The following VPS13C variants were observed in gnomAD, a reference collection of about 807,000 sequenced individuals.
VPS13C encodes intermembrane lipid transfer protein VPS13C.
Under a neutral mutation model 456.8 loss-of-function variants are expected in VPS13C, and 358 were observed. The ratio of observed to expected loss-of-function variants is 0.78; its 90% CI spans 0.72 to 0.86. The LOEUF (loss-of-function observed/expected upper bound fraction) is 0.86. Among genes scored for constraint, VPS13C ranks in the 40% least tolerant of loss-of-function variants. The pLI, the probability that VPS13C is intolerant of heterozygous loss-of-function variation, is 0.00. For synonymous variants in VPS13C, 1,578 were observed against 1,486.7 expected, an observed-to-expected ratio of 1.06 and a Z score of -1.41; for missense variants, 4,818 against 4,385.4, an observed-to-expected ratio of 1.10 and a Z score of -2.79.
intron 20 of VPS13C, 199 bp downstream of exon 20, chr15:61,983,621 A>G: frequency 1.9e-6 from 1 of 527,534 alleles, no homozygotes; most frequent in Non-Finnish European, 3.2e-6. Flanking sequence ...TAAACCTTGG[A>G]GTAGGGAAAA....
Position 61,967,348 on chromosome 15 carries a change from A to T in VPS13C, c.2991+20T>A, listed in dbSNP as rs780687720. The T allele has an allele frequency of 2.5e-6, 4 of 1,578,936 alleles. No homozygotes were observed. The highest frequency in any genetic ancestry group is 3.5e-5 in the Admixed American group (2 of 57,720). ...AGTTTGGAGTAAACAATAAATATAT[A>T]ATCATTCTATAGCCCTTACCTTAAT... On this transcript the variant is annotated intron_variant, in intron 29 of 84. Transcript: ENST00000644861.
At position 61,853,756 on chromosome 15, in the gene VPS13C, C is replaced by T. The variant is rs11555596; in HGVS notation, c.*701G>A. 0.065 allele frequency: 9,881 copies of T among 152,108 alleles called. 358 individuals carry two copies. Among genetic ancestry groups the T allele is most frequent in the Non-Finnish European group, 0.08 (5,427 of 68,014 alleles). 9.4% of individuals were successfully genotyped at this position (152,108 alleles called of 1,614,324 possible). ...TTGTTCATGGGTTAAAGCCTTTTGG[C>T]GGGCCGTGGTGGCTCATGCCTGTAA... On this transcript the variant is annotated 3_prime_UTR_variant, in exon 85 of 85. Coordinates refer to ENST00000644861, the MANE Select transcript of VPS13C (RefSeq NM_020821.3).
intron 81 of VPS13C, chr15:61,865,792 A>G (rs957068099): frequency 9.1e-5 from 70 of 770,018 alleles, no homozygotes; most frequent in Non-Finnish European, 1.1e-4. Context: ...GTGTATATAT[A>G]TGTGTGTGTG....
At chr15:61,943,718 A>G (rs1457314190) in intron 45 of VPS13C, among the ~76,000 whole-genome samples, 2 of 152,148 alleles carry the variant, frequency 1.3e-5, no homozygotes, top group Non-Finnish European at 2.9e-5. Context: ...ACCATTCTAG[A>G]TATCGGCTCT....
chr15:61,865,390 A>T, intron 81 of VPS13C: 1 of 983,262 alleles, frequency 1.0e-6, no homozygotes, highest in Non-Finnish European at 1.2e-6. Flanking sequence ...TACAAGAATT[A>T]AAAATGTTAA....
At chr15:62,032,380 C>A (rs1164253486) in intron 5 of VPS13C, among the ~76,000 whole-genome samples, 1 of 151,638 alleles carries the variant, frequency 6.6e-6, no homozygotes, top group Admixed American at 6.6e-5. Flanking sequence ...AGCAGGAAGA[C>A]AAAATATGCT....
intron 28 of VPS13C, 137 bp from the exon 29 acceptor site, chr15:61,967,584 A>G (rs1596396303): frequency 9.3e-6 from 6 of 647,586 alleles, no homozygotes; most frequent in African/African-American, 1.9e-5. Flanking sequence ...TATTAAATAC[A>G]AAGGCCATCA....
Position 61,907,125 on chromosome 15 carries a change from A to T in VPS13C, c.9105+139T>A, listed in dbSNP as rs777457474. 6 of 1,263,260 alleles carry T rather than the reference A, an allele frequency of 4.7e-6. No homozygotes were observed. The African/African-American group carries it at 7.4e-5, about 16-fold the overall frequency. The allele number at this position is 1,263,260 out of a possible 1,614,324, so 78.3% of individuals were successfully genotyped here. On this transcript the variant is annotated intron_variant, in intron 66 of 84. Coordinates refer to ENST00000644861, the MANE Select transcript of VPS13C (RefSeq NM_020821.3). The stretch of plus-strand genomic sequence containing the variant: ...GTTTGAACTACAGTATTTGCCATCT[A>T]AAGTCCAAAAGCTACTTTTTCTGGA...
chr15:61,899,507 T>C (rs2140106803), intron 66 of VPS13C, among the ~76,000 whole-genome samples: 1 of 151,780 alleles, frequency 6.6e-6, no homozygotes, highest in African/African-American at 2.4e-5. Flanking sequence ...AACTAGAAAA[T>C]CTAGAAGAAA....
Position 61,909,084 on chromosome 15 carries a change from T to C in VPS13C, c.8886A>G (p.Ser2962=), listed in dbSNP as rs759127191. 19 of 1,614,006 alleles carry C rather than the reference T, an allele frequency of 1.2e-5. No individual in the cohort carries two copies. The highest frequency in any genetic ancestry group is 1.6e-5 in the Non-Finnish European group (19 of 1,179,990). Residue 2962 remains serine, a synonymous_variant, in exon 65 of 85, where the codon TCA becomes TCG. Transcript: ENST00000644861. ...GGTAATCAGAAAAAGTTATGACAGTTGAATGTTCGGCAGTGTTTACATCCA... is the reference window on the plus strand; with the variant it reads ...GGTAATCAGAAAAAGTTATGACAGTCGAATGTTCGGCAGTGTTTACATCCA... The part of the protein sequence containing the change: ...ILVDVNTAEH[S]TVITFSDYHE...
intron 82 of VPS13C, among the ~76,000 whole-genome samples, chr15:61,861,462 A>G (rs1894223201): frequency 6.6e-6 from 1 of 152,200 alleles, no homozygotes. Context: ...CTTAAAGTCT[A>G]AATTTTACTA....
At position 62,060,358 on chromosome 15, in the gene VPS13C, A is replaced by G. The variant is rs1424768791; in HGVS notation, c.17T>C (p.Val6Ala). The change falls in exon 1 of 85, where the codon GTG becomes GCG. Residue 6 changes from valine to alanine, a missense_variant. By Grantham distance (64) the Val-to-Ala change is moderately conservative. Coordinates refer to ENST00000644861, the MANE Select transcript of VPS13C (RefSeq NM_020821.3). MVLESVVADLLNRFLG... is the reference protein window; with the variant it reads MVLESAVADLLNRFLG... ...GAAGCGGTTCAGCAAGTCCGCGACC[A>G]CCGACTCCAGCACCATGGTGGCGCT... 9 of 1,599,342 alleles carry G rather than the reference A, an allele frequency of 5.6e-6. No homozygotes were observed. The highest frequency in any genetic ancestry group is 6.8e-6 in the Non-Finnish European group (8 of 1,172,346).
chr15:61,992,405 G>A (rs145226596), intron 16 of VPS13C, among the ~76,000 whole-genome samples: 64 of 152,198 alleles, frequency 4.2e-4, no homozygotes, highest in Middle Eastern at 6.8e-3. Context: ...ACAAAATAAA[G>A]GGGATAAGTA....
chr15:62,005,017 T>C (rs2046781756), intron 15 of VPS13C, among the ~76,000 whole-genome samples: 2 of 151,874 alleles, frequency 1.3e-5, no homozygotes, highest in Non-Finnish European at 2.9e-5. Context: ...GGTGGAGAGT[T>C]CTGTAGATGT....
At position 61,854,270 on chromosome 15, in the gene VPS13C, T is replaced by C. The variant is rs1405506581; in HGVS notation, c.*187A>G. ...GGCGTAGAAGTGGACTGCTAGCATA[T>C]ACATGGTTACAAAATTAGAGTAAAA... On this transcript the variant is annotated 3_prime_UTR_variant, in exon 85 of 85. Coordinates refer to ENST00000644861, the MANE Select transcript of VPS13C (RefSeq NM_020821.3). 3.2e-6 allele frequency: 2 copies of C among 620,224 alleles called. No homozygotes were observed. The highest frequency in any genetic ancestry group is 2.8e-5 in the Admixed American group (1 of 35,986). 38.4% of individuals were successfully genotyped at this position (620,224 alleles called of 1,614,324 possible). A position where few individuals can be genotyped will look rare whatever the true frequency, so the allele number is the denominator to read the frequency against.
intron 2 of VPS13C, 85 bp from the exon 3 acceptor site, chr15:62,041,451 CAT>C: frequency 7.5e-7 from 1 of 1,326,416 alleles, no homozygotes. Context: ...TTTAAATACA[CAT>C]GTCCAAAGAA....
chr15:61,901,443 T>C (rs1354414841), intron 66 of VPS13C, among the ~76,000 whole-genome samples: 8 of 151,662 alleles, frequency 5.3e-5, no homozygotes, highest in Non-Finnish European at 1.0e-4. Flanking sequence ...CATCAAAAAG[T>C]GGGCAAAGGA....
At chr15:61,887,933 T>C (rs918882178) in intron 67 of VPS13C, among the ~76,000 whole-genome samples, 9 of 152,146 alleles carry the variant, frequency 5.9e-5, no homozygotes, top group African/African-American at 2.2e-4. Context: ...TGGGAAAAAG[T>C]ATTTGCAAAA....
intron 1 of VPS13C, among the ~76,000 whole-genome samples, chr15:62,052,503 C>A (rs1422678629): frequency 3.3e-5 from 5 of 151,706 alleles, no homozygotes; most frequent in Non-Finnish European, 2.9e-5. Flanking sequence ...AACCCCGTCT[C>A]TACTAAAAAA....
Sources: allele counts gnomAD v4.1 joint callset (sites outside exome capture counted in the v4.1 genomes callset), GRCh38; gene constraint gnomAD v4.1.1; transcripts MANE v1.5; gene names NCBI Gene and HGNC (gene_info 2026-07-23, HGNC 2026-07-21).